Variants in EPB41 observed in about 807,000 individuals in gnomAD.
EPB41 encodes erythrocyte membrane protein band 4.1.
EPB41 carries 65 observed loss-of-function variants against 108.0 expected under a neutral mutation model. The ratio of observed to expected loss-of-function variants is 0.60; its 90% confidence interval spans 0.49 to 0.74. EPB41 has a LOEUF of 0.74. EPB41 is among the 30% of genes least tolerant of loss of function. The probability of loss-of-function intolerance (pLI) is 0.00; values close to 1 mark genes in which losing one functional copy is unlikely to be tolerated. For missense variants in EPB41, 875 were observed against 1,037.0 expected, an observed-to-expected ratio of 0.84 and a Z score of 2.15; for synonymous variants, 336 against 358.9, an observed-to-expected ratio of 0.94 and a Z score of 0.72.
chr1:29,116,644 G>T (rs904679996), intron 20 of EPB41, among the ~76,000 whole-genome samples, 175 bp from the exon 21 acceptor site: 1 of 152,160 alleles, frequency 6.6e-6, no homozygotes, highest in Non-Finnish European at 1.5e-5. Context: ...ATAAATTCAT[G>T]CCTAAAAGTA....
At chr1:29,047,032 TC>T in intron 11 of EPB41, among the ~76,000 whole-genome samples, 1 of 152,244 alleles carries the variant, frequency 6.6e-6, no homozygotes. Context: ...AAGAATTCCT[TC>T]TTTTTCTGTT....
chr1:28,924,919 C>G (rs2093351721), intron 1 of EPB41, among the ~76,000 whole-genome samples: 1 of 151,590 alleles, frequency 6.6e-6, no homozygotes, highest in Non-Finnish European at 1.5e-5. Context: ...ACCTCAGCCT[C>G]CTGAGGAGCT....
chr1:29,057,592 C>T (rs182616345), intron 12 of EPB41, among the ~76,000 whole-genome samples: 149 of 152,140 alleles, frequency 9.8e-4, no homozygotes, highest in South Asian at 1.9e-3. Context: ...AGAATATCAA[C>T]ACCACAGATT....
At chr1:29,053,475 T>C in intron 12 of EPB41, 163 bp downstream of exon 12, 1 of 834,838 alleles carries the variant, frequency 1.2e-6, no homozygotes, top group Non-Finnish European at 2.0e-6. Context: ...CTATAAAATA[T>C]TTTCGTAGAG....
At chr1:29,108,920 C>T (rs180812758) in intron 17 of EPB41, among the ~76,000 whole-genome samples, 1 of 149,400 alleles carries the variant, frequency 6.7e-6, no homozygotes, top group South Asian at 2.1e-4. Context: ...TTACCCTGGC[C>T]GGGTGCGGTA....
intron 16 of EPB41, among the ~76,000 whole-genome samples, chr1:29,086,795 A>G (rs1214710814): frequency 3.3e-5 from 5 of 152,130 alleles, no homozygotes; most frequent in Non-Finnish European, 1.5e-5. Flanking sequence ...AGTGGGGAAC[A>G]AGTGACTAAA....
chr1:29,070,290 C>A, intron 16 of EPB41: 1 of 1,079,774 alleles, frequency 9.3e-7, no homozygotes, highest in Middle Eastern at 3.4e-4. Context: ...CCCCAAGTAT[C>A]ATTTTTGAGC....
chr1:28,927,895 T>C (rs1570741565), intron 1 of EPB41, among the ~76,000 whole-genome samples: 1 of 152,104 alleles, frequency 6.6e-6, no homozygotes, highest in Non-Finnish European at 1.5e-5. Context: ...ATTCTGCACA[T>C]GGGGTGGAGT....
At chr1:28,939,878 C>A (rs2094203261) in intron 1 of EPB41, among the ~76,000 whole-genome samples, 2 of 152,196 alleles carry the variant, frequency 1.3e-5, no homozygotes, top group Non-Finnish European at 2.9e-5. Context: ...TTCTGTGATT[C>A]TGTGAATCAG....
chr1:28,888,503 G>A (rs989342594), intron 1 of EPB41, among the ~76,000 whole-genome samples: 8 of 152,234 alleles, frequency 5.3e-5, no homozygotes, highest in Middle Eastern at 3.2e-3. Context: ...TGACAGACCC[G>A]CAAGTCTAAG....
intron 1 of EPB41, chr1:28,982,749 T>C: frequency 8.2e-6 from 4 of 486,840 alleles, no homozygotes; most frequent in Non-Finnish European, 1.1e-5. Flanking sequence ...CCTTGTCTGC[T>C]CATAACTTAT....
At chr1:29,016,808 T>C (rs919262392) in intron 6 of EPB41, among the ~76,000 whole-genome samples, 1 of 152,248 alleles carries the variant, frequency 6.6e-6, no homozygotes, top group Non-Finnish European at 1.5e-5. Flanking sequence ...GCTTGTCAAA[T>C]GTTTCTTAAA....
In EPB41 at chr1:29,035,938, T is replaced by G; in HGVS notation, c.1463+15T>G. 1 of 1,562,814 alleles carries G rather than the reference T, an allele frequency of 6.4e-7. No homozygotes were observed. The stretch of plus-strand genomic sequence containing the variant: ...ACGTTTTTCAGGTATTATTCTCACT[T>G]AAGTATTTTTCAAGGATAAATTATT... On this transcript the variant is annotated intron_variant, in intron 10 of 20. Coordinates refer to ENST00000343067, the MANE Select transcript of EPB41 (RefSeq NM_001376013.1).
chr1:29,007,972 A>G (rs1234464774), intron 4 of EPB41, among the ~76,000 whole-genome samples: 1 of 152,216 alleles, frequency 6.6e-6, no homozygotes, highest in Non-Finnish European at 1.5e-5. Context: ...ACAGCTTTCT[A>G]TGAAATATTC....
In EPB41 at chr1:29,011,900, G is replaced by T; in HGVS notation, c.822G>T (p.Gln274His). ...WLDSAKEIKK[Q>H]VRGVPWNFTF... The stretch of plus-strand genomic sequence containing the variant: ...ATTCCGCCAAAGAAATAAAAAAGCA[G>T]GTTCGTGGTAAGTGGATATAGCTCT... The change falls in exon 5 of 21, where the codon CAG becomes CAT. Residue 274 changes from glutamine (Q) to histidine (H), a missense_variant. Transcript: ENST00000343067. 1 of 1,614,026 alleles carries T rather than the reference G, an allele frequency of 6.2e-7. No homozygotes were observed. The highest frequency in any genetic ancestry group is 8.5e-7 in the Non-Finnish European group (1 of 1,179,968).
chr1:28,936,525 A>G (rs371003108), intron 1 of EPB41, among the ~76,000 whole-genome samples: 4 of 152,340 alleles, frequency 2.6e-5, no homozygotes, highest in African/African-American at 9.6e-5. Flanking sequence ...CATTACTCCA[A>G]GAAACCCCTT....
At chr1:29,027,840 G>A (rs926857356) in intron 7 of EPB41, among the ~76,000 whole-genome samples, 1 of 151,716 alleles carries the variant, frequency 6.6e-6, no homozygotes, top group African/African-American at 2.4e-5. Context: ...TTATTTATTT[G>A]TGAGACGGAG....
intron 17 of EPB41, among the ~76,000 whole-genome samples, chr1:29,100,179 A>C: frequency 6.6e-6 from 1 of 151,750 alleles, no homozygotes; most frequent in Admixed American, 6.6e-5. Context: ...ATTTAAAAGC[A>C]TGTGCATTGC....
intron 1 of EPB41, among the ~76,000 whole-genome samples, chr1:28,917,660 C>T (rs2092781880): frequency 6.6e-6 from 1 of 151,928 alleles, no homozygotes; most frequent in Non-Finnish European, 1.5e-5. Context: ...GGCTCACTGC[C>T]GCCTTGAACT....
Sources: gnomAD v4.1 joint callset for allele counts (sites outside exome capture counted in the v4.1 genomes callset) on GRCh38, gnomAD v4.1.1 for gene constraint, MANE v1.5 for transcripts, NCBI Gene and HGNC (gene_info 2026-07-23, HGNC 2026-07-21) for gene names.